GMEB1: variants seen among roughly 807,000 people sequenced by gnomAD.
GMEB1 encodes the protein glucocorticoid modulatory element-binding protein 1.
A neutral mutation model predicts 52.4 loss-of-function variants in GMEB1; 6 were observed. The ratio of observed to expected loss-of-function variants is 0.11; its 90% CI spans 0.06 to 0.23. The LOEUF is 0.23. Among genes scored for constraint, GMEB1 ranks in the 10% least tolerant of loss-of-function variants. The pLI is 1.00. For missense variants in GMEB1, 486 were observed against 685.6 expected (o/e 0.71, Z 3.25); for synonymous variants, 255 against 244.9 (o/e 1.04, Z -0.38).
intron 2 of GMEB1, among the ~76,000 whole-genome samples, chr1:28,685,627 A>G (rs1262441129): frequency 6.6e-6 from 1 of 152,170 alleles, no homozygotes; most frequent in African/African-American, 2.4e-5. Context: ...TCAATCCATC[A>G]CTATCCTGAG....
intron 5 of GMEB1, among the ~76,000 whole-genome samples, chr1:28,694,453 C>A (rs1278990750): frequency 2.0e-5 from 3 of 150,696 alleles, no homozygotes; most frequent in African/African-American, 7.3e-5. Flanking sequence ...CTTGGCCTCC[C>A]AAAGTGCTGA....
At chr1:28,712,683 G>C (rs1007351887) in intron 9 of GMEB1, among the ~76,000 whole-genome samples, 3 of 151,942 alleles carry the variant, frequency 2.0e-5, no homozygotes, top group Non-Finnish European at 4.4e-5. Context: ...GCTGGGTGTG[G>C]TGTTGCATGC....
chr1:28,683,785 T>G (rs758958236), intron 2 of GMEB1, 45 bp downstream of exon 2: 1 of 1,590,864 alleles, frequency 6.3e-7, no homozygotes, highest in South Asian at 1.1e-5. Context: ...TTTGGGAAGC[T>G]TCAAGGGTGG....
chr1:28,674,149 GAAA>G (rs747433826), intron 1 of GMEB1, among the ~76,000 whole-genome samples: 2 of 124,154 alleles, frequency 1.6e-5, no homozygotes, highest in Non-Finnish European at 1.7e-5. Flanking sequence ...GACTCCGTCT[GAAA>G]AAAAAAAAAA....
chr1:28,677,618 G>A (rs2124462372), intron 1 of GMEB1, among the ~76,000 whole-genome samples: 1 of 152,328 alleles, frequency 6.6e-6, no homozygotes, highest in South Asian at 2.1e-4. Context: ...GCTTGACAAT[G>A]AGTGCTAGCT....
chr1:28,697,463 C>T (rs1306107461), intron 6 of GMEB1, among the ~76,000 whole-genome samples: 2 of 152,026 alleles, frequency 1.3e-5, no homozygotes, highest in Admixed American at 6.6e-5. Flanking sequence ...CCACCTCGGC[C>T]TCCCGAAGTG....
At chr1:28,687,492 C>T (rs573672573) in intron 2 of GMEB1, among the ~76,000 whole-genome samples, 13 of 151,824 alleles carry the variant, frequency 8.6e-5, no homozygotes, top group African/African-American at 2.2e-4. Flanking sequence ...TTGGCAGTGC[C>T]GGGGCCTGGA....
intron 2 of GMEB1, among the ~76,000 whole-genome samples, chr1:28,684,672 A>T (rs975686843): frequency 6.6e-6 from 1 of 152,068 alleles, no homozygotes; most frequent in Non-Finnish European, 1.5e-5. Flanking sequence ...TCTCACTCAT[A>T]AATGGGAGTT....
At chr1:28,711,521 A>C (rs1671061828) in intron 9 of GMEB1, among the ~76,000 whole-genome samples, 1 of 152,014 alleles carries the variant, frequency 6.6e-6, no homozygotes, top group Non-Finnish European at 1.5e-5. Flanking sequence ...TGGCACAATC[A>C]CGGCTCACTG....
chr1:28,694,326 G>T (rs568490835), intron 5 of GMEB1, among the ~76,000 whole-genome samples: 12 of 151,038 alleles, frequency 7.9e-5, no homozygotes, highest in Non-Finnish European at 1.5e-4. Flanking sequence ...CAGTAGCTGG[G>T]ACTACAGGCG....
At chr1:28,687,364 ACAC>A (rs1557504078) in intron 2 of GMEB1, among the ~76,000 whole-genome samples, 1 of 56,852 alleles carries the variant, frequency 1.8e-5, no homozygotes, top group African/African-American at 7.0e-5. Flanking sequence ...ACACACACAC[ACAC>A]ACACACACAC....
rs1025636918 is a variant in GMEB1, at chr1:28,718,875, A to C, written c.*4102A>C. The C allele has an allele frequency of 6.6e-6, 1 of 152,118 alleles. No individual in the cohort carries two copies. The highest frequency in any genetic ancestry group is 6.6e-5 in the Admixed American group (1 of 15,240). The allele number at this position is 152,118 out of a possible 1,614,324, so 9.4% of individuals were successfully genotyped here. A position where few individuals can be genotyped will look rare whatever the true frequency, so the allele number is the denominator to read the frequency against. On this transcript the variant is annotated 3_prime_UTR_variant, in exon 10 of 10. Transcript: ENST00000373816. ...GAGGTGGGGTCAGCAAATAAGGGAG[A>C]TCTTCCTGGAGAAGGCATATACCTA...
chr1:28,678,907 G>A (rs532785947), intron 1 of GMEB1, among the ~76,000 whole-genome samples: 1 of 151,376 alleles, frequency 6.6e-6, no homozygotes, highest in East Asian at 2.0e-4. Flanking sequence ...TTGTTTGTTT[G>A]TTTTGTTTTG....
chr1:28,712,344 A>G (rs1671093690), intron 9 of GMEB1, among the ~76,000 whole-genome samples: 1 of 152,126 alleles, frequency 6.6e-6, no homozygotes, highest in South Asian at 2.1e-4. Context: ...GCTTCATTAC[A>G]TAGGTATGGT....
At chr1:28,714,024 C>T (rs766404381) in intron 9 of GMEB1, 49 bp from the exon 10 acceptor site, 1 of 1,398,166 alleles carries the variant, frequency 7.2e-7, no homozygotes, top group Admixed American at 2.0e-5. Context: ...GTTTAATGCT[C>T]CCAAGATTTT....
chr1:28,698,689 A>AG (rs372891166), intron 6 of GMEB1, among the ~76,000 whole-genome samples: 3 of 150,874 alleles, frequency 2.0e-5, no homozygotes, highest in Non-Finnish European at 4.4e-5. Flanking sequence ...AAAAAAAAAA[A>AG]GAAAAATGCT....
chr1:28,701,446 T>C (rs1292072978), intron 6 of GMEB1, among the ~76,000 whole-genome samples: 4 of 151,828 alleles, frequency 2.6e-5, no homozygotes, highest in Non-Finnish European at 5.9e-5. Flanking sequence ...ATTTTTTGTA[T>C]TTTTATAGAG....
At chr1:28,703,842 C>T (rs946422004) in intron 7 of GMEB1, among the ~76,000 whole-genome samples, 3 of 151,716 alleles carry the variant, frequency 2.0e-5, no homozygotes, top group Admixed American at 6.6e-5. Flanking sequence ...TTAAATATCT[C>T]GTTTTTAAAT....
intron 8 of GMEB1, among the ~76,000 whole-genome samples, chr1:28,705,445 CTTTTT>C (rs34597945): frequency 1.6e-5 from 2 of 123,094 alleles, no homozygotes; most frequent in African/African-American, 5.9e-5. Flanking sequence ...TATGTATTTT[CTTTTT>C]TTTTTTTTTT....
Sources: gnomAD v4.1 joint callset for allele counts (sites outside exome capture counted in the v4.1 genomes callset) on GRCh38, gnomAD v4.1.1 for gene constraint, MANE v1.5 for transcripts, NCBI Gene and HGNC (gene_info 2026-07-23, HGNC 2026-07-21) for gene names.